The following CRPPA variants were observed in gnomAD, a reference collection of about 807,000 sequenced individuals.
CRPPA encodes D-ribitol-5-phosphate cytidylyltransferase.
Under a neutral mutation model 52.0 loss-of-function variants are expected in CRPPA, and 43 were observed. The observed-to-expected ratio is 0.83, with a 90% CI of 0.65 to 1.07. The LOEUF (loss-of-function observed/expected upper bound fraction) is 1.07, where lower values mean the gene tolerates loss of function less well. Among genes scored for constraint, CRPPA ranks in the 50% least tolerant of loss-of-function variants. The pLI is 0.00. For synonymous variants in CRPPA, 250 were observed against 203.5 expected (o/e 1.23, Z -1.94); for missense variants, 629 against 551.7 (o/e 1.14, Z -1.40).
At chr7:16,099,406 A>G (rs1020703348) in intron 9 of CRPPA, among the ~76,000 whole-genome samples, 2 of 90,990 alleles carry the variant, frequency 2.2e-5, no homozygotes, top group African/African-American at 4.5e-5. Context: ...AAGGAAGGGG[A>G]GGGAAGGGGA....
At chr7:16,210,139 T>A (rs1451248026) in intron 9 of CRPPA, among the ~76,000 whole-genome samples, 4 of 152,244 alleles carry the variant, frequency 2.6e-5, no homozygotes. Context: ...TAAAAAAGCA[T>A]ATACATATAT....
intron 5 of CRPPA, among the ~76,000 whole-genome samples, chr7:16,285,268 T>C (rs1361385827): frequency 2.0e-5 from 3 of 152,146 alleles, no homozygotes; most frequent in Non-Finnish European, 4.4e-5. Context: ...AATCTAGTCT[T>C]TTGTCTCTCC....
intron 9 of CRPPA, among the ~76,000 whole-genome samples, chr7:16,131,624 C>T (rs1416095753): frequency 6.6e-6 from 1 of 152,168 alleles, no homozygotes; most frequent in Non-Finnish European, 1.5e-5. Context: ...ACTTTATCCC[C>T]TAGGTTGGAG....
intron 9 of CRPPA, among the ~76,000 whole-genome samples, chr7:16,144,228 C>A (rs953502440): frequency 5.3e-5 from 8 of 152,308 alleles, no homozygotes; most frequent in Non-Finnish European, 7.4e-5. Context: ...GCCCCTTTCA[C>A]CAAAAATCCA....
intron 2 of CRPPA, among the ~76,000 whole-genome samples, chr7:16,385,430 A>G (rs1787235018): frequency 6.6e-6 from 1 of 152,244 alleles, no homozygotes; most frequent in African/African-American, 2.4e-5. Context: ...TAGCAAGAGA[A>G]CATCAATATT....
At chr7:16,158,276 C>G (rs1015847494) in intron 9 of CRPPA, among the ~76,000 whole-genome samples, 1 of 151,992 alleles carries the variant, frequency 6.6e-6, no homozygotes, top group African/African-American at 2.4e-5. Flanking sequence ...TTTGTACCAC[C>G]CTTTTATTTC....
intron 2 of CRPPA, among the ~76,000 whole-genome samples, chr7:16,381,820 C>T (rs1379123121): frequency 6.6e-6 from 1 of 151,696 alleles, no homozygotes; most frequent in Admixed American, 6.6e-5. Flanking sequence ...CAACCCCTGC[C>T]TTTTTTTGTT....
intron 2 of CRPPA, among the ~76,000 whole-genome samples, chr7:16,382,746 C>A (rs1226240631): frequency 6.6e-6 from 1 of 152,022 alleles, no homozygotes; most frequent in Non-Finnish European, 1.5e-5. Flanking sequence ...TTCATTTCAT[C>A]TTCCATCGCT....
At chr7:16,351,434 T>C (rs899479355) in intron 3 of CRPPA, among the ~76,000 whole-genome samples, 1 of 152,090 alleles carries the variant, frequency 6.6e-6, no homozygotes, top group African/African-American at 2.4e-5. Flanking sequence ...CTAAAGAGCT[T>C]CTGCACAGCA....
chr7:16,380,508 A>G (rs1335809142), intron 2 of CRPPA, among the ~76,000 whole-genome samples: 1 of 152,166 alleles, frequency 6.6e-6, no homozygotes, highest in Non-Finnish European at 1.5e-5. Context: ...GCCTCATAAA[A>G]TGAGTTAGGG....
chr7:16,399,121 C>A (rs572898512), intron 2 of CRPPA, among the ~76,000 whole-genome samples: 1 of 152,244 alleles, frequency 6.6e-6, no homozygotes, highest in South Asian at 2.1e-4. Context: ...TGGGTCAGCA[C>A]GTGACATTTC....
chr7:16,382,532 T>C (rs1056938360), intron 2 of CRPPA, among the ~76,000 whole-genome samples: 1 of 152,082 alleles, frequency 6.6e-6, no homozygotes, highest in African/African-American at 2.4e-5. Flanking sequence ...AATCTGAACG[T>C]TGGCCTGCCT....
chr7:16,259,306 T>C (rs1037349191), intron 6 of CRPPA, among the ~76,000 whole-genome samples: 3 of 151,944 alleles, frequency 2.0e-5, no homozygotes, highest in African/African-American at 4.8e-5. Flanking sequence ...GTTTATCTTA[T>C]ACAAATAAAT....
chr7:16,284,903 C>T (rs997871847), intron 5 of CRPPA, among the ~76,000 whole-genome samples: 2 of 152,136 alleles, frequency 1.3e-5, no homozygotes, highest in Non-Finnish European at 2.9e-5. Flanking sequence ...AAATATATAA[C>T]TATGGGAGCA....
At chr7:16,094,410 T>C (rs1311189063) in intron 9 of CRPPA, among the ~76,000 whole-genome samples, 1 of 152,140 alleles carries the variant, frequency 6.6e-6, no homozygotes, top group Non-Finnish European at 1.5e-5. Flanking sequence ...ATTTCCTATC[T>C]CTAGAACAGT....
At chr7:16,262,106 A>T (rs1326619425) in intron 6 of CRPPA, 1 of 152,108 alleles carries the variant, frequency 6.6e-6, no homozygotes, top group Non-Finnish European at 1.5e-5. Flanking sequence ...AGTAAGTTTT[A>T]TTACGAATTG....
intron 8 of CRPPA, among the ~76,000 whole-genome samples, chr7:16,222,671 CT>C (rs1421235822): frequency 6.6e-6 from 1 of 152,082 alleles, no homozygotes; most frequent in Non-Finnish European, 1.5e-5. Context: ...AAAAGAATCT[CT>C]TTCAATGTGA....
At chr7:16,179,902 G>A (rs185396311) in intron 9 of CRPPA, among the ~76,000 whole-genome samples, 25 of 152,232 alleles carry the variant, frequency 1.6e-4, no homozygotes, top group Admixed American at 5.9e-4. Flanking sequence ...AATAGCAGGA[G>A]CATCCATTAT....
chr7:16,120,487 G>A (rs182879939), intron 9 of CRPPA, among the ~76,000 whole-genome samples: 2 of 152,100 alleles, frequency 1.3e-5, no homozygotes, highest in African/African-American at 4.8e-5. Context: ...TTAGAGAAGG[G>A]TAAACAAATT....
Sources: gnomAD v4.1 joint callset for allele counts (sites outside exome capture counted in the v4.1 genomes callset) on GRCh38, gnomAD v4.1.1 for gene constraint, MANE v1.5 for transcripts, NCBI Gene and HGNC (gene_info 2026-07-23, HGNC 2026-07-21) for gene names.